The following KCNQ5 variants were observed in gnomAD, a reference collection of about 807,000 sequenced individuals.
KCNQ5 encodes the protein potassium voltage-gated channel subfamily KQT member 5.
In KCNQ5, 30 loss-of-function variants were observed where a neutral mutation model predicts 98.2. That is an observed-to-expected ratio of 0.31 (90% CI 0.23 to 0.41). KCNQ5 has a LOEUF of 0.41. KCNQ5 is among the 10% of genes least tolerant of loss of function. KCNQ5 has a pLI of 1.00. For synonymous variants in KCNQ5, 458 were observed against 449.4 expected (o/e 1.02, Z -0.24); for missense variants, 835 against 1,182.5 (o/e 0.71, Z 4.31).
At chr6:72,766,425 T>A (rs1184382383) in intron 1 of KCNQ5, among the ~76,000 whole-genome samples, 2 of 151,936 alleles carry the variant, frequency 1.3e-5, no homozygotes, top group Non-Finnish European at 2.9e-5. Flanking sequence ...GATCTGTATT[T>A]TAAAATAATC....
chr6:72,683,601 T>C (rs1467078373), intron 1 of KCNQ5, among the ~76,000 whole-genome samples: 1 of 151,938 alleles, frequency 6.6e-6, no homozygotes, highest in Non-Finnish European at 1.5e-5. Flanking sequence ...TTTCCTGAAC[T>C]CATGATCCAC....
At chr6:72,739,353 A>G (rs1771011890) in intron 1 of KCNQ5, among the ~76,000 whole-genome samples, 1 of 152,210 alleles carries the variant, frequency 6.6e-6, no homozygotes, top group Admixed American at 6.5e-5. Flanking sequence ...ACGATATGCT[A>G]TGTCCAAAGG....
intron 1 of KCNQ5, among the ~76,000 whole-genome samples, chr6:72,666,390 T>G (rs1323530946): frequency 6.6e-6 from 1 of 152,180 alleles, no homozygotes. Flanking sequence ...CATGACATTA[T>G]CGATTAATCA....
At chr6:73,124,962 T>C (rs1281901089) in intron 9 of KCNQ5, among the ~76,000 whole-genome samples, 4 of 13,228 alleles carry the variant, frequency 3.0e-4, no homozygotes, top group African/African-American at 6.6e-4. Flanking sequence ...TATATATATA[T>C]ATATATATAT....
intron 1 of KCNQ5, among the ~76,000 whole-genome samples, chr6:72,820,480 CTTTCT>C (rs1263562975): frequency 1.3e-5 from 2 of 150,948 alleles, no homozygotes; most frequent in Admixed American, 6.6e-5. Flanking sequence ...TTCTTTCTTT[CTTTCT>C]TTTTTTTTTT....
intron 10 of KCNQ5, among the ~76,000 whole-genome samples, chr6:73,165,028 G>A (rs965795403): frequency 2.6e-5 from 4 of 151,912 alleles, no homozygotes; most frequent in Admixed American, 1.3e-4. Flanking sequence ...GCCCAGGCTG[G>A]AGTGAAGCAG....
chr6:72,761,109 T>C (rs1224416398), intron 1 of KCNQ5, among the ~76,000 whole-genome samples: 1 of 152,154 alleles, frequency 6.6e-6, no homozygotes. Context: ...AATTTGACAT[T>C]GTGAAGTTAA....
chr6:72,683,976 T>C (rs898613891), intron 1 of KCNQ5, among the ~76,000 whole-genome samples: 2 of 152,218 alleles, frequency 1.3e-5, no homozygotes, highest in Non-Finnish European at 2.9e-5. Context: ...ATTTTAGTAA[T>C]AATGAAACTG....
chr6:73,133,396 A>G lies in KCNQ5; in HGVS notation c.1248-25A>G, dbSNP rs199588551. On this transcript the variant is annotated intron_variant, in intron 9 of 13. Coordinates refer to ENST00000370398, the MANE Select transcript of KCNQ5 (RefSeq NM_019842.4). ...AGTGGAAGAAATTGCTTGAAATGGA[A>G]TAATCATGCCTCTGTTCTCCACAGT... The G allele has an allele frequency of 3.7e-6, 6 of 1,600,418 alleles. No homozygotes were observed. In the Admixed American group the frequency reaches 6.7e-5, roughly 18 times the overall value.
intron 1 of KCNQ5, among the ~76,000 whole-genome samples, chr6:72,756,466 T>C (rs1467306130): frequency 1.3e-5 from 2 of 152,202 alleles, no homozygotes; most frequent in East Asian, 3.8e-4. Flanking sequence ...GAAGCTTCTA[T>C]AGTTCTGTGG....
chr6:72,920,559 G>C (rs1780347728), intron 1 of KCNQ5, among the ~76,000 whole-genome samples: 1 of 152,114 alleles, frequency 6.6e-6, no homozygotes, highest in Admixed American at 6.6e-5. Context: ...CTGCCACTCA[G>C]GTGTTATTTC....
At chr6:73,091,514 G>T (rs530545220) in intron 5 of KCNQ5, among the ~76,000 whole-genome samples, 10 of 152,050 alleles carry the variant, frequency 6.6e-5, no homozygotes, top group African/African-American at 2.4e-4. Flanking sequence ...AAAAGAAAAA[G>T]AAAAGGGTGT....
intron 1 of KCNQ5, among the ~76,000 whole-genome samples, chr6:72,848,910 T>C (rs1268373033): frequency 6.6e-6 from 1 of 152,180 alleles, no homozygotes; most frequent in African/African-American, 2.4e-5. Flanking sequence ...CCCTCAGCCA[T>C]GCTAAACTGT....
intron 1 of KCNQ5, among the ~76,000 whole-genome samples, chr6:72,672,643 C>T (rs1333308435): frequency 1.3e-5 from 2 of 152,080 alleles, no homozygotes; most frequent in Non-Finnish European, 2.9e-5. Context: ...ATTTCCTCAT[C>T]TGAGGAAAAT....
At chr6:72,759,119 G>A (rs545754167) in intron 1 of KCNQ5, among the ~76,000 whole-genome samples, 14 of 152,258 alleles carry the variant, frequency 9.2e-5, no homozygotes, top group African/African-American at 3.4e-4. Context: ...AGGTGAAGCT[G>A]CCTGTCTATC....
At chr6:72,637,439 C>A (rs2098924840) in intron 1 of KCNQ5, among the ~76,000 whole-genome samples, 2 of 151,944 alleles carry the variant, frequency 1.3e-5, no homozygotes, top group South Asian at 2.1e-4. Flanking sequence ...TATTGGAACA[C>A]TTTGGAAACA....
intron 1 of KCNQ5, among the ~76,000 whole-genome samples, chr6:72,836,111 T>A (rs1351460923): frequency 6.6e-6 from 1 of 152,226 alleles, no homozygotes; most frequent in Admixed American, 6.5e-5. Context: ...TTGTTATTTT[T>A]GCAGTTTGTT....
chr6:72,813,611 A>C, intron 1 of KCNQ5, among the ~76,000 whole-genome samples: 1 of 152,054 alleles, frequency 6.6e-6, no homozygotes, highest in South Asian at 2.1e-4. Flanking sequence ...GGTGTCCAAG[A>C]GGTATTGATT....
At chr6:72,724,832 G>T (rs6931918) in intron 1 of KCNQ5, among the ~76,000 whole-genome samples, 30,412 of 151,840 alleles carry the variant, frequency 0.2, 3,643 homozygotes, top group African/African-American at 0.34. Flanking sequence ...TGTTTGTCTG[G>T]GTCTCTCTCA....
Sources: allele counts gnomAD v4.1 joint callset (sites outside exome capture counted in the v4.1 genomes callset), GRCh38; gene constraint gnomAD v4.1.1; transcripts MANE v1.5; gene names NCBI Gene and HGNC (gene_info 2026-07-23, HGNC 2026-07-21).